Variants in RADIL observed in about 807,000 individuals in gnomAD.
The protein encoded by RADIL is Rap associating with DIL domain.
Under a neutral mutation model 97.6 loss-of-function variants are expected in RADIL, and 99 were observed. That is an observed-to-expected ratio of 1.01 (90% confidence interval 0.86 to 1.20). The LOEUF (loss-of-function observed/expected upper bound fraction) is 1.20. RADIL is among the 50% of genes most tolerant of loss of function. The pLI is 0.00. For missense variants in RADIL, 1,765 were observed against 1,498.9 expected, an observed-to-expected ratio of 1.18 and a Z score of -2.93; for synonymous variants, 803 against 691.8, an observed-to-expected ratio of 1.16 and a Z score of -2.52.
At position 4,799,161 on chromosome 7, in the gene RADIL, T is replaced by C; in HGVS notation, c.*217A>G. 5.2e-6 allele frequency: 3 copies of C among 575,746 alleles called. No individual in the cohort carries two copies. The highest frequency in any genetic ancestry group is 9.3e-6 in the Non-Finnish European group (3 of 321,356). The allele number at this position is 575,746 out of a possible 1,614,324, so 35.7% of individuals were successfully genotyped here. On this transcript the variant is annotated 3_prime_UTR_variant, in exon 15 of 15. Transcript: ENST00000399583. ...ACTTCTCCATTGAAGTCTTTAAACA[T>C]AAAAGCTCTGTAACAAACATCACAA...
chr7:4,816,392 G>A lies in RADIL; in HGVS notation c.1802C>T (p.Ser601Leu), dbSNP rs778018782. ...FQTERRESWSSAPELPEELRR... is the reference protein window; with the variant it reads ...FQTERRESWSLAPELPEELRR... Reference sequence around the variant, plus strand: ...CAGCTCCTCGGGCAGTTCGGGGGCCGAGGACCAGCTCTCACGGCGCTCCGT... The same window carrying A: ...CAGCTCCTCGGGCAGTTCGGGGGCCAAGGACCAGCTCTCACGGCGCTCCGT... Residue 601 changes from serine (S) to leucine (L), a missense_variant, in exon 8 of 15, where the codon TCG (serine) becomes TTG (leucine). By Grantham distance (145) the Ser-to-Leu change is moderately radical. Coordinates refer to ENST00000399583, the MANE Select transcript of RADIL (RefSeq NM_018059.5). 43 of 1,609,372 alleles carry A rather than the reference G, an allele frequency of 2.7e-5. No homozygotes were observed. The Middle Eastern group carries it at 5.1e-4, about 19-fold the overall frequency.
chr7:4,827,631 A>C (rs1783033673), intron 5 of RADIL, among the ~76,000 whole-genome samples: 1 of 152,212 alleles, frequency 6.6e-6, no homozygotes, highest in Non-Finnish European at 1.5e-5. Context: ...ACTGTACTCC[A>C]GCCTGGGGGA....
At position 4,824,432 on chromosome 7, in the gene RADIL, T is replaced by C. The variant is rs1562438138; in HGVS notation, c.1455-1878A>G. Among the ~76,000 whole-genome samples the C allele has an allele frequency of 6.6e-6, 1 of 152,208 alleles. No homozygotes were observed. Among genetic ancestry groups the C allele is most frequent in the African/African-American group, 2.4e-5 (1 of 41,462 alleles). ...CCAGGACCTTAAGGCAGCCGGTTTGTGAGGGCATCTGGGAAGGGCTGAGGC... is the reference window on the plus strand; with the variant it reads ...CCAGGACCTTAAGGCAGCCGGTTTGCGAGGGCATCTGGGAAGGGCTGAGGC... On this transcript the variant is annotated intron_variant, in intron 5 of 14. Transcript: ENST00000399583. This position sits in a 1 kb window ranked among gnomAD's most constrained non-coding sequence, Gnocchi z 6.7.
In RADIL at chr7:4,849,812, A is replaced by G. The variant is rs1783664536; in HGVS notation, c.536-13207T>C. Among the ~76,000 whole-genome samples the G allele has an allele frequency of 6.6e-6, 1 of 152,220 alleles. No individual in the cohort carries two copies. Among genetic ancestry groups the G allele is most frequent in the Non-Finnish European group, 1.5e-5 (1 of 68,044 alleles). Reference sequence around the variant, plus strand: ...TACGCACAAAACGAACACAGATCACAATCTGTGTTGAAATAAATCTTTAGC... The same window carrying G: ...TACGCACAAAACGAACACAGATCACGATCTGTGTTGAAATAAATCTTTAGC... On this transcript the variant is annotated intron_variant, in intron 2 of 14. Coordinates refer to ENST00000399583, the MANE Select transcript of RADIL (RefSeq NM_018059.5). The surrounding 1 kb of genome is among the most constrained non-coding windows in gnomAD (Gnocchi z 5.4).
chr7:4,834,576 GGACCCAGACCGCCCACCCCAGCACACT>G lies in RADIL; in HGVS notation c.1416+4_1416+30del, dbSNP rs1178502760. 4.6e-6 allele frequency: 6 copies of G among 1,312,754 alleles called. No homozygotes were observed. The highest frequency in any genetic ancestry group is 5.8e-6 in the Non-Finnish European group (6 of 1,026,028). The allele number at this position is 1,312,754 out of a possible 1,614,324, so 81.3% of individuals were successfully genotyped here. On this transcript the variant is annotated splice_donor_5th_base_variant and intron_variant, in intron 4 of 14. Transcript: ENST00000399583. The surrounding 1 kb of genome is among the most constrained non-coding windows in gnomAD (Gnocchi z 6.0). Reference sequence around the variant, plus strand: ...CCCCCTCTTCCCCCAGACCGGCACAGGACCCAGACCGCCCACCCCAGCACACTGACCCAGACAGTCTCGCGGATCAGC... The same window carrying G: ...CCCCCTCTTCCCCCAGACCGGCACAGGACCCAGACAGTCTCGCGGATCAGC...
In RADIL at chr7:4,880,156, C is replaced by T. The variant is rs1237966019; in HGVS notation, c.-64-1953G>A. On this transcript the variant is annotated intron_variant, in intron 1 of 14. Coordinates refer to ENST00000399583, the MANE Select transcript of RADIL (RefSeq NM_018059.5). The surrounding 1 kb of genome is among the most constrained non-coding windows in gnomAD (Gnocchi z 4.5). ...TTGCTGTAACAGGTCACGGAGTTCC[C>T]AGTACAGGTCATAAGCAGATGGAGC... is the stretch of plus-strand genomic sequence containing the variant. 1.3e-5 allele frequency among the ~76,000 whole-genome samples: 2 copies of T among 152,116 alleles called. No individual in the cohort carries two copies. The highest frequency in any genetic ancestry group is 2.9e-5 in the Non-Finnish European group (2 of 68,038).
chr7:4,877,472 C>CG, intron 2 of RADIL, 133 bp downstream of exon 2: 1 of 972,356 alleles, frequency 1.0e-6, no homozygotes, highest in South Asian at 1.7e-5. Flanking sequence ...ATCCAGGACA[C>CG]GGGCTCCGAC....
chr7:4,866,651 C>A (rs954296629), intron 2 of RADIL, among the ~76,000 whole-genome samples: 2 of 152,170 alleles, frequency 1.3e-5, no homozygotes, highest in Admixed American at 1.3e-4. Flanking sequence ...ACACTCCACT[C>A]CACTGCAATG....
chr7:4,817,604 C>G lies in RADIL; in HGVS notation c.1616-253G>C, dbSNP rs1214530957. On this transcript the variant is annotated intron_variant, in intron 6 of 14. Coordinates refer to ENST00000399583, the MANE Select transcript of RADIL (RefSeq NM_018059.5). The surrounding 1 kb of genome is among the most constrained non-coding windows in gnomAD (Gnocchi z 8.3). ...GTCCAGACACCCAACATCTCAATGC[C>G]CAGCCCAGCCCAGCCCAAGCGCTCA... Among the ~76,000 whole-genome samples the G allele has an allele frequency of 2.0e-5, 3 of 152,154 alleles. No individual in the cohort carries two copies. The South Asian group carries it at 6.2e-4, about 32-fold the overall frequency.
At chr7:4,877,553 C>G in intron 2 of RADIL, 52 bp downstream of exon 2, 1 of 1,534,570 alleles carries the variant, frequency 6.5e-7, no homozygotes, top group South Asian at 1.3e-5. Context: ...CCTCGGCTGG[C>G]CTTCTCAGCG....
chr7:4,836,968 C>A (rs369257690), intron 2 of RADIL, among the ~76,000 whole-genome samples: 1 of 152,070 alleles, frequency 6.6e-6, no homozygotes, highest in African/African-American at 2.4e-5. Flanking sequence ...AGTCTAATAG[C>A]GCCCATGTCC....
chr7:4,806,523 C>A (rs577820963), intron 9 of RADIL, among the ~76,000 whole-genome samples: 1 of 152,190 alleles, frequency 6.6e-6, no homozygotes, highest in Non-Finnish European at 1.5e-5. Flanking sequence ...AAGCCTACAC[C>A]GTAAGGAAGG....
At chr7:4,828,028 C>T (rs562029446) in intron 5 of RADIL, among the ~76,000 whole-genome samples, 7 of 152,196 alleles carry the variant, frequency 4.6e-5, no homozygotes, top group Admixed American at 2.0e-4. Flanking sequence ...AACCACGAGA[C>T]GCCACCTCAC....
chr7:4,822,593 G>T lies in RADIL; in HGVS notation c.1455-39C>A. ...AAGACTAAGAGTTACGCGGGGACCC[G>T]ACCCTCAGGAGGCTGAATCTACCAC... On this transcript the variant is annotated intron_variant, in intron 5 of 14. Coordinates refer to ENST00000399583, the MANE Select transcript of RADIL (RefSeq NM_018059.5). This position sits in a 1 kb window ranked among gnomAD's most constrained non-coding sequence, Gnocchi z 5.3. 1 of 1,594,640 alleles carries T rather than the reference G, an allele frequency of 6.3e-7. No individual in the cohort carries two copies. Among genetic ancestry groups the T allele is most frequent in the South Asian group, 1.1e-5 (1 of 87,652 alleles).
At chr7:4,827,534 G>A (rs936707188) in intron 5 of RADIL, among the ~76,000 whole-genome samples, 8 of 152,110 alleles carry the variant, frequency 5.3e-5, no homozygotes, top group South Asian at 2.1e-4. Flanking sequence ...GGTTGCAGGC[G>A]CCTGTAGTCC....
chr7:4,816,340 T>C lies in RADIL; in HGVS notation c.1854A>G (p.Ala618=). The C allele has an allele frequency of 1.9e-6, 3 of 1,612,374 alleles. No individual in the cohort carries two copies. The highest frequency in any genetic ancestry group is 2.5e-6 in the Non-Finnish European group (3 of 1,179,708). ...ELRRVVSVYQ[A]ALDLLRQLQV... The stretch of plus-strand genomic sequence containing the variant: ...GCAGCTGCCGCAGGAGGTCCAGGGC[T>C]GCCTGGTACACAGACACCACGCGGC... Residue 618 remains alanine, a synonymous_variant, in exon 8 of 15, where the codon GCA becomes GCG. Transcript: ENST00000399583.
chr7:4,812,846 G>A (rs1782582154), intron 9 of RADIL, among the ~76,000 whole-genome samples: 1 of 152,158 alleles, frequency 6.6e-6, no homozygotes, highest in East Asian at 1.9e-4. Flanking sequence ...GGTTTGATTT[G>A]TCATTCTCTT....
intron 5 of RADIL, among the ~76,000 whole-genome samples, chr7:4,828,040 C>T (rs778511875): frequency 1.3e-5 from 2 of 152,198 alleles, no homozygotes. Context: ...CCACCTCACT[C>T]CTGTTAGAAT....
Position 4,814,537 on chromosome 7 carries a change from G to C in RADIL, c.2139+741C>G, listed in dbSNP as rs1331749229. On this transcript the variant is annotated intron_variant, in intron 9 of 14. Transcript: ENST00000399583. This position sits in a 1 kb window ranked among gnomAD's most constrained non-coding sequence, Gnocchi z 4.5. ...TTACCTGTGATGACTGTGTTGGGAA[G>C]GGGGGTGGTGAGTGGCTGACTGTGT... Among the ~76,000 whole-genome samples, 1 of 152,042 alleles carries C rather than the reference G, an allele frequency of 6.6e-6. No homozygotes were observed. The highest frequency in any genetic ancestry group is 6.6e-5 in the Admixed American group (1 of 15,250).
Sources: allele counts gnomAD v4.1 joint callset (sites outside exome capture counted in the v4.1 genomes callset), GRCh38; gene constraint gnomAD v4.1.1; non-coding constraint Gnocchi (gnomAD v3.1); transcripts MANE v1.5; gene names NCBI Gene and HGNC (gene_info 2026-07-23, HGNC 2026-07-21).